GPHN: variants seen among roughly 807,000 people sequenced by gnomAD.
GPHN encodes gephyrin.
A neutral mutation model predicts 95.5 loss-of-function variants in GPHN; 17 were observed. The ratio of observed to expected loss-of-function variants is 0.18; its 90% confidence interval spans 0.12 to 0.27. The LOEUF (loss-of-function observed/expected upper bound fraction) is 0.27, where lower values mean the gene tolerates loss of function less well. GPHN is among the 10% of genes least tolerant of loss of function. GPHN has a pLI of 1.00. For missense variants in GPHN, 660 were observed against 978.1 expected (o/e 0.67, Z 4.34); for synonymous variants, 320 against 322.5 (o/e 0.99, Z 0.08).
chr14:66,898,197 A>G (rs1322430981), intron 5 of GPHN, among the ~76,000 whole-genome samples: 1 of 151,950 alleles, frequency 6.6e-6, no homozygotes, highest in African/African-American at 2.4e-5. Context: ...GAGCAAAACT[A>G]CTTAATTTCC....
At chr14:67,164,193 G>A (rs1246441779) in intron 19 of GPHN, among the ~76,000 whole-genome samples, 2 of 150,018 alleles carry the variant, frequency 1.3e-5, no homozygotes, top group Admixed American at 6.6e-5. Flanking sequence ...ACTTGAACCC[G>A]GGAGGCGGGG....
At chr14:67,204,855 A>G in the GPHN span, 2 of 1,614,028 alleles carry the variant, frequency 1.2e-6, no homozygotes, top group Non-Finnish European at 8.5e-7. Flanking sequence ...CAGGCCCTGA[A>G]CATGTCAGGG....
At chr14:67,722,803 G>A in the GPHN span, 1 of 1,068,548 alleles carries the variant, frequency 9.4e-7, no homozygotes, top group Non-Finnish European at 1.5e-6. Context: ...AGGGAAGGAG[G>A]CTGACAGAGG....
intron 1 of GPHN, among the ~76,000 whole-genome samples, chr14:66,639,528 A>G (rs1219376354): frequency 1.3e-5 from 2 of 152,030 alleles, no homozygotes; most frequent in Non-Finnish European, 2.9e-5. Context: ...CTGCTCCTTT[A>G]TTTTTACTTC....
At chr14:67,049,211 T>TTTGTTGTTGTTG (rs139585227) in intron 10 of GPHN, among the ~76,000 whole-genome samples, 4,067 of 150,932 alleles carry the variant, frequency 0.027, 93 homozygotes, top group Non-Finnish European at 0.041. Context: ...GCTGATTAAG[T>TTTGTTGTTGTTG]TTGTTGTTGT....
intron 2 of GPHN, among the ~76,000 whole-genome samples, chr14:66,701,189 A>G (rs986256071): frequency 1.3e-5 from 2 of 152,214 alleles, no homozygotes; most frequent in Admixed American, 6.5e-5. Flanking sequence ...TGTAAGTGCA[A>G]TATGTACATA....
chr14:66,629,086 T>TAA (rs2063633046), intron 1 of GPHN, among the ~76,000 whole-genome samples: 3 of 139,236 alleles, frequency 2.2e-5, no homozygotes, highest in Non-Finnish European at 4.6e-5. Context: ...AATACATATA[T>TAA]ATATATATAA....
At chr14:66,989,616 G>C (rs2071265793) in intron 9 of GPHN, among the ~76,000 whole-genome samples, 1 of 147,818 alleles carries the variant, frequency 6.8e-6, no homozygotes. Context: ...TTAAATATAA[G>C]GTGTATCTGT....
chr14:67,023,769 G>A, intron 10 of GPHN, 94 bp downstream of exon 10: 1 of 967,602 alleles, frequency 1.0e-6, no homozygotes, highest in Non-Finnish European at 1.7e-6. Flanking sequence ...AAGCAATGGG[G>A]AATATTTATG....
chr14:67,592,872 A>G, the GPHN span: 2 of 525,040 alleles, frequency 3.8e-6, no homozygotes, highest in Non-Finnish European at 6.9e-6. Context: ...TGCAACCTCT[A>G]CCTCCCAGGT....
chr14:67,678,547 C>A, the GPHN span: 11 of 623,916 alleles, frequency 1.8e-5, no homozygotes, highest in South Asian at 2.0e-4. Context: ...TTCACAGGGC[C>A]AGTGTTTGTC....
chr14:67,559,809 C>T, the GPHN span: 1 of 676,312 alleles, frequency 1.5e-6, no homozygotes, highest in Non-Finnish European at 2.7e-6. Flanking sequence ...TTCTGTCCAG[C>T]ACTTGTTTTG....
the GPHN span, among the ~76,000 whole-genome samples, chr14:67,559,254 G>A: frequency 1.4e-4 from 21 of 152,030 alleles, no homozygotes; most frequent in African/African-American, 4.1e-4. Flanking sequence ...ATAAAAAAAC[G>A]GCCAGAGGAG....
chr14:66,950,542 A>G (rs1290760858), intron 8 of GPHN, among the ~76,000 whole-genome samples: 2 of 152,164 alleles, frequency 1.3e-5, no homozygotes, highest in Admixed American at 6.5e-5. Flanking sequence ...AACTGCTTGT[A>G]ATTCTCAGTT....
chr14:67,703,911 C>G, the GPHN span, among the ~76,000 whole-genome samples: 1 of 152,144 alleles, frequency 6.6e-6, no homozygotes, highest in East Asian at 1.9e-4. Flanking sequence ...CTCCTAGACT[C>G]AAGTGTTCTT....
the GPHN span, chr14:67,204,815 C>G: frequency 6.2e-7 from 1 of 1,613,952 alleles, no homozygotes; most frequent in South Asian, 1.1e-5. Flanking sequence ...ACGTTCACAG[C>G]CATCCTGACC....
chr14:67,407,944 C>T, the GPHN span, among the ~76,000 whole-genome samples: 1 of 152,010 alleles, frequency 6.6e-6, no homozygotes, highest in African/African-American at 2.4e-5. Context: ...GTGAACAGTC[C>T]CTGTGCTCCA....
intron 1 of GPHN, among the ~76,000 whole-genome samples, chr14:66,510,046 G>C (rs2057978647): frequency 6.6e-6 from 1 of 152,156 alleles, no homozygotes; most frequent in Admixed American, 6.5e-5. Flanking sequence ...AGAGAAACTA[G>C]TCTAAACCAG....
At chr14:67,337,735 C>T in the GPHN span, 1 of 152,158 alleles carries the variant, frequency 6.6e-6, no homozygotes, top group Non-Finnish European at 1.5e-5. Flanking sequence ...GATGTGGCCA[C>T]TCAAATGCTT....
Sources: gnomAD v4.1 joint callset for allele counts (sites outside exome capture counted in the v4.1 genomes callset) on GRCh38, gnomAD v4.1.1 for gene constraint, MANE v1.5 for transcripts, NCBI Gene and HGNC (gene_info 2026-07-23, HGNC 2026-07-21) for gene names.